Variants in BEND7 observed in about 807,000 individuals in gnomAD.
The protein encoded by BEND7 is BEN domain containing 7, also known as BEN domain-containing protein 7.
Under a neutral mutation model 50.9 loss-of-function variants are expected in BEND7, and 28 were observed. The ratio of observed to expected loss-of-function variants is 0.55; its 90% CI spans 0.41 to 0.75. The LOEUF (loss-of-function observed/expected upper bound fraction) is 0.75, where lower values mean the gene tolerates loss of function less well. Among genes scored for constraint, BEND7 ranks in the 30% least tolerant of loss-of-function variants. The pLI is 0.00. For synonymous variants in BEND7, 170 were observed against 183.9 expected, an observed-to-expected ratio of 0.92 and a Z score of 0.61; for missense variants, 477 against 491.3, an observed-to-expected ratio of 0.97 and a Z score of 0.28.
At chr10:13,451,023 C>G (rs1183940352) in intron 7 of BEND7, among the ~76,000 whole-genome samples, 2 of 151,888 alleles carry the variant, frequency 1.3e-5, no homozygotes, top group Admixed American at 6.6e-5. Flanking sequence ...AATAATCGGT[C>G]TCAGCATCTG....
chr10:13,502,940 A>T (rs1439614615), intron 2 of BEND7: 1 of 985,082 alleles, frequency 1.0e-6, no homozygotes, highest in African/African-American at 1.7e-5. Flanking sequence ...CTCCTGCCAA[A>T]GGTCCTGCCT....
chr10:13,483,316 C>T (rs2075998645), intron 5 of BEND7, among the ~76,000 whole-genome samples: 1 of 152,152 alleles, frequency 6.6e-6, no homozygotes, highest in Admixed American at 6.5e-5. Flanking sequence ...ACTGGCCACT[C>T]CCTTCTTCAT....
intron 4 of BEND7, among the ~76,000 whole-genome samples, chr10:13,494,973 C>T (rs1481992241): frequency 6.6e-6 from 1 of 152,194 alleles, no homozygotes; most frequent in African/African-American, 2.4e-5. Context: ...CATCCTACAG[C>T]TTTGGAATCG....
At chr10:13,482,267 T>G (rs1206874488) in intron 5 of BEND7, among the ~76,000 whole-genome samples, 1 of 152,234 alleles carries the variant, frequency 6.6e-6, no homozygotes, top group Non-Finnish European at 1.5e-5. Flanking sequence ...AGTTTATTGT[T>G]GGTTATGACA....
At chr10:13,492,486 CT>C (rs2076733624) in intron 5 of BEND7, 124 bp downstream of exon 5, 8 of 1,245,116 alleles carry the variant, frequency 6.4e-6, no homozygotes, top group Admixed American at 2.6e-5. Context: ...TACCAGTCTT[CT>C]TTTCTTCTTT....
intron 2 of BEND7, chr10:13,500,852 A>T: frequency 6.1e-6 from 6 of 985,254 alleles, no homozygotes; most frequent in Non-Finnish European, 7.2e-6. Context: ...GCGGAAGTGC[A>T]ACCTCCCCAC....
Position 13,441,858 on chromosome 10 carries a change from T to C in BEND7, c.1235-108A>G, listed in dbSNP as rs1696852749. 2.7e-6 allele frequency: 3 copies of C among 1,104,298 alleles called. No individual in the cohort carries two copies. In the Admixed American group the frequency reaches 6.6e-5, roughly 24 times the overall value. 68.4% of individuals were successfully genotyped at this position (1,104,298 alleles called of 1,614,324 possible). ...GGAAATAATTTCTCCAAACCTTCCT[T>C]GTAGCCCCCCAAAAGAAGAAAAAGA... On this transcript the variant is annotated intron_variant, in intron 8 of 8. Coordinates refer to ENST00000466271, the MANE Select transcript of BEND7 (RefSeq NM_001369863.1).
At chr10:13,515,630 C>A (rs913753522) in intron 2 of BEND7, among the ~76,000 whole-genome samples, 1 of 152,106 alleles carries the variant, frequency 6.6e-6, no homozygotes, top group African/African-American at 2.4e-5. Flanking sequence ...GTAACCTGAC[C>A]CCCAGTGGAA....
intron 7 of BEND7, among the ~76,000 whole-genome samples, chr10:13,451,819 C>T (rs1188152890): frequency 7.8e-6 from 1 of 128,572 alleles, no homozygotes; most frequent in Non-Finnish European, 1.5e-5. Flanking sequence ...TCCATGTGTT[C>T]TCATTGTTCA....
chr10:13,485,638 C>T (rs1273698317), intron 5 of BEND7, among the ~76,000 whole-genome samples: 1 of 152,150 alleles, frequency 6.6e-6, no homozygotes, highest in Non-Finnish European at 1.5e-5. Flanking sequence ...ATGTCCATAC[C>T]ACTATATACA....
At chr10:13,463,843 T>G (rs757062839) in intron 6 of BEND7, among the ~76,000 whole-genome samples, 1 of 152,156 alleles carries the variant, frequency 6.6e-6, no homozygotes. Flanking sequence ...AAAACTCCAG[T>G]AAGTCAGTAA....
In BEND7 at chr10:13,480,798, A is replaced by C. The variant is rs953351553; in HGVS notation, c.1063+101T>G. On this transcript the variant is annotated intron_variant, in intron 6 of 8. Transcript: ENST00000466271. ...ATGGCTAAATTGGCAATGGCAAATGAAACTGGCCACTAGTCAGTTTACTAC... is the reference window on the plus strand; with the variant it reads ...ATGGCTAAATTGGCAATGGCAAATGCAACTGGCCACTAGTCAGTTTACTAC... The C allele has an allele frequency of 4.5e-6, 7 of 1,542,536 alleles. No homozygotes were observed. The African/African-American group carries it at 8.2e-5, about 18-fold the overall frequency.
At chr10:13,468,665 G>C (rs2074496251) in intron 6 of BEND7, among the ~76,000 whole-genome samples, 1 of 152,226 alleles carries the variant, frequency 6.6e-6, no homozygotes, top group Non-Finnish European at 1.5e-5. Context: ...TTCAAGGACA[G>C]AGTGATGCAC....
intron 6 of BEND7, among the ~76,000 whole-genome samples, chr10:13,470,452 G>A (rs989843401): frequency 1.3e-5 from 2 of 152,182 alleles, no homozygotes; most frequent in African/African-American, 4.8e-5. Context: ...TTAAAATGCA[G>A]GTTTTGTAAG....
chr10:13,526,114 G>A (rs2079448222), intron 2 of BEND7, 24 bp downstream of exon 2: 1 of 1,204,588 alleles, frequency 8.3e-7, no homozygotes, highest in Non-Finnish European at 1.1e-6. Flanking sequence ...TTTTGCTGAG[G>A]TATTAATTGA....
In BEND7 at chr10:13,528,537, G is replaced by A. The variant is rs1444497119; in HGVS notation, c.-4C>T. On this transcript the variant is annotated 5_prime_UTR_variant, in exon 1 of 9. Coordinates refer to ENST00000466271, the MANE Select transcript of BEND7 (RefSeq NM_001369863.1). ...TTTTCCTCTCGGAGAACTCCATGGT[G>A]CGGGGAAGGCGGCGGCGGGGGCTGA... 2 of 1,027,914 alleles carry A rather than the reference G, an allele frequency of 1.9e-6. No individual in the cohort carries two copies. Among genetic ancestry groups the A allele is most frequent in the African/African-American group, 1.7e-5 (1 of 57,434 alleles). The allele number at this position is 1,027,914 out of a possible 1,614,324, so 63.7% of individuals were successfully genotyped here. A position where few individuals can be genotyped will look rare whatever the true frequency, so the allele number is the denominator to read the frequency against.
At chr10:13,529,089 G>A (rs2079580389), upstream of BEND7, 1 of 144,836 alleles carries the variant, frequency 6.9e-6, no homozygotes, top group Non-Finnish European at 1.5e-5. Context: ...GTGCCGCTGG[G>A]ACCCCAGGGC....
At chr10:13,475,860 G>C (rs1190866138) in intron 6 of BEND7, among the ~76,000 whole-genome samples, 1 of 152,172 alleles carries the variant, frequency 6.6e-6, no homozygotes, top group Non-Finnish European at 1.5e-5. Context: ...CCATTTACTG[G>C]TGTTTAAATT....
chr10:13,516,019 T>C (rs1288014997), intron 2 of BEND7, among the ~76,000 whole-genome samples: 1 of 152,208 alleles, frequency 6.6e-6, no homozygotes, highest in African/African-American at 2.4e-5. Flanking sequence ...TCTCAATCAA[T>C]CGTCTCACTC....
Sources: allele counts gnomAD v4.1 joint callset (sites outside exome capture counted in the v4.1 genomes callset), GRCh38; gene constraint gnomAD v4.1.1; transcripts MANE v1.5; gene names NCBI Gene and HGNC (gene_info 2026-07-23, HGNC 2026-07-21).